WDCP: variants seen among roughly 807,000 people sequenced by gnomAD.
WDCP encodes the protein WD repeat and coiled-coil-containing protein.
WDCP carries 19 observed loss-of-function variants against 41.6 expected under a neutral mutation model. The observed-to-expected ratio is 0.46, with a 90% CI of 0.32 to 0.67. The LOEUF is 0.67. Among genes scored for constraint, WDCP ranks in the 30% least tolerant of loss-of-function variants. The pLI, the probability that WDCP is intolerant of heterozygous loss-of-function variation, is 0.04. For synonymous variants in WDCP, 302 were observed against 320.8 expected (o/e 0.94, Z 0.63); for missense variants, 802 against 850.7 (o/e 0.94, Z 0.71).
Position 24,038,913 on chromosome 2 carries a change from G to A in WDCP, c.582C>T (p.Cys194=), listed in dbSNP as rs766373388. 6.2e-7 allele frequency: 1 copy of A among 1,614,226 alleles called. No individual in the cohort carries two copies. Among genetic ancestry groups the A allele is most frequent in the South Asian group, 1.1e-5 (1 of 91,088 alleles). Residue 194 remains cysteine, a synonymous_variant, in exon 2 of 4, where the codon TGC becomes TGT. Transcript: ENST00000295148. ...CCACATCAAACACCAGGCAGGAGGAGCACCTGTGAAGAGTCTTCTGAGCGC... is the reference window on the plus strand; with the variant it reads ...CCACATCAAACACCAGGCAGGAGGAACACCTGTGAAGAGTCTTCTGAGCGC... ...WDSAQKTLHR[C]SSCLVFDVDS...
At chr2:24,032,779 G>T in intron 3 of WDCP, 50 bp downstream of exon 3, 1 of 1,009,516 alleles carries the variant, frequency 9.9e-7, no homozygotes, top group Non-Finnish European at 1.6e-6. Context: ...AAAACAGATG[G>T]TGGGGGAGGC....
At position 24,031,085 on chromosome 2, in the gene WDCP, T is replaced by G. The variant is rs1663084770; in HGVS notation, c.2014A>C (p.Ile672Leu). ...LTFTATQEII[I>L]RDGSLSRSDV... ...GACCTGGACAGGCTGCCATCTCTTA[T>G]GATTATTTCCTGTGTGGCTGTGAAG... The change falls in exon 4 of 4, where the codon ATA becomes CTA. Residue 672 changes from isoleucine (I) to leucine (L), a missense_variant. Physicochemically the swap from Ile to Leu is conservative, Grantham distance 5. Transcript: ENST00000295148. 1 of 1,614,238 alleles carries G rather than the reference T, an allele frequency of 6.2e-7. No homozygotes were observed. The highest frequency in any genetic ancestry group is 8.5e-7 in the Non-Finnish European group (1 of 1,180,028).
rs374783835 is a variant in WDCP, at chr2:24,032,680, CAATAAT to C, written c.1936+143_1936+148del. 4,569 of 618,182 alleles carry C rather than the reference CAATAAT, an allele frequency of 7.4e-3. 32 individuals carry two copies. The highest frequency in any genetic ancestry group is 9.4e-3 in the Non-Finnish European group (3,229 of 344,946). The allele number at this position is 618,182 out of a possible 1,614,324, so 38.3% of individuals were successfully genotyped here. A position where few individuals can be genotyped will look rare whatever the true frequency, so the allele number is the denominator to read the frequency against. ...TGGGCAACAGAGCAAGACCCTGTCT[CAATAAT>C]AATAATAATAATAGATTACTTGTTA... On this transcript the variant is annotated intron_variant, in intron 3 of 3. Transcript: ENST00000295148.
At chr2:24,036,899 T>C (rs183115552) in intron 2 of WDCP, among the ~76,000 whole-genome samples, 4 of 152,354 alleles carry the variant, frequency 2.6e-5, no homozygotes, top group East Asian at 1.9e-4. Flanking sequence ...AAGGGGAAGA[T>C]GGGGCAAGGC....
At chr2:24,035,075 T>G (rs1471414798) in intron 2 of WDCP, among the ~76,000 whole-genome samples, 1 of 151,746 alleles carries the variant, frequency 6.6e-6, no homozygotes, top group African/African-American at 2.4e-5. Flanking sequence ...ACATCTAACA[T>G]CTAATAAAAT....
In WDCP at chr2:24,032,483, G is replaced by A. The variant is rs186585093; in HGVS notation, c.1936+346C>T. Among the ~76,000 whole-genome samples the A allele has an allele frequency of 1.1e-4, 16 of 152,220 alleles. No homozygotes were observed. In the East Asian group the frequency reaches 3.1e-3, roughly 29 times the overall value. On this transcript the variant is annotated intron_variant, in intron 3 of 3. Coordinates refer to ENST00000295148, the MANE Select transcript of WDCP (RefSeq NM_025203.3). ...CGCCACTGTACTCCAGGACCGGGTG[G>A]CAGAGCAAGACTCCATCTCCAAAAA... is the stretch of plus-strand genomic sequence containing the variant.
At chr2:24,031,966 A>C (rs145532319) in intron 3 of WDCP, among the ~76,000 whole-genome samples, 1 of 152,288 alleles carries the variant, frequency 6.6e-6, no homozygotes, top group East Asian at 1.9e-4. Flanking sequence ...TTATTTTTTC[A>C]TATGTACATT....
chr2:24,038,523 A>G lies in WDCP; in HGVS notation c.972T>C (p.Phe324=), dbSNP rs140791647. 32 of 1,614,140 alleles carry G rather than the reference A, an allele frequency of 2.0e-5. No homozygotes were observed. Among genetic ancestry groups the G allele is most frequent in the Non-Finnish European group, 2.5e-5 (30 of 1,180,058 alleles). The change falls in exon 2 of 4, where the codon TTT becomes TTC. Residue 324 remains phenylalanine, a synonymous_variant. Transcript: ENST00000295148. ...TTCTCGTCATGGTAACTGCCTTCTT[A>G]AAGGTCACAAGGACCAAATGTGAAG... The part of the protein sequence containing the change: ...QDSSHLVLVT[F]KKAVTMTRKV...
Position 24,030,937 on chromosome 2 carries a change from G to C in WDCP, c.2162C>G (p.Ala721Gly). Residue 721 changes from alanine (A) to glycine (G), a missense_variant, in exon 4 of 4, where the codon GCT (alanine) becomes GGT (glycine). By Grantham distance (60) the Ala-to-Gly change is moderately conservative (BLOSUM62 0). This residue lies in a region of WDCP where 321 missense variants were observed against 305.1 expected (regional missense o/e 1.05). Transcript: ENST00000295148. ...TGCCNHVDGM[A>G] The stretch of plus-strand genomic sequence containing the variant: ...ACAGCAAGGACACTGCAGATATCAA[G>C]CCATGCCATCTACATGGTTACAACA... 1 of 1,612,166 alleles carries C rather than the reference G, an allele frequency of 6.2e-7. No individual in the cohort carries two copies. The highest frequency in any genetic ancestry group is 1.3e-5 in the African/African-American group (1 of 74,978).
In WDCP at chr2:24,032,822, G is replaced by A. The variant is rs773437697; in HGVS notation, c.1936+7C>T. The A allele has an allele frequency of 2.0e-5, 31 of 1,539,896 alleles. No individual in the cohort carries two copies. Among genetic ancestry groups the A allele is most frequent in the South Asian group, 4.5e-5 (4 of 89,228 alleles). On this transcript the variant is annotated splice_region_variant and intron_variant, in intron 3 of 3. Transcript: ENST00000295148. ...TTAGCTAGGGTCAATTTCTGAGCACGACCTACCATGTAGCATTTCAATGAG... is the reference window on the plus strand; with the variant it reads ...TTAGCTAGGGTCAATTTCTGAGCACAACCTACCATGTAGCATTTCAATGAG...
Position 24,038,427 on chromosome 2 carries a change from C to T in WDCP, c.1068G>A (p.Val356=). ...AFNLKAHVVA[V]ASNTCNIILI... is the part of the protein sequence containing the mutation. ...AAATTATATTACAAGTGTTGGAAGC[C>T]ACTGCCACTACGTGGGCTTTAAGAT... is the stretch of plus-strand genomic sequence containing the variant. The change falls in exon 2 of 4, where the codon GTG becomes GTA. Residue 356 remains valine, a synonymous_variant. Coordinates refer to ENST00000295148, the MANE Select transcript of WDCP (RefSeq NM_025203.3). The T allele has an allele frequency of 1.2e-6, 2 of 1,614,110 alleles. No homozygotes were observed. Among genetic ancestry groups the T allele is most frequent in the East Asian group, 2.2e-5 (1 of 44,882 alleles).
At chr2:24,031,866 C>T (rs891272723) in intron 3 of WDCP, among the ~76,000 whole-genome samples, 1 of 151,780 alleles carries the variant, frequency 6.6e-6, no homozygotes, top group Non-Finnish European at 1.5e-5. Flanking sequence ...TGCAATGCTG[C>T]TATGATCTTT....
chr2:24,044,817 TAA>T (rs747340836), intron 1 of WDCP, among the ~76,000 whole-genome samples: 266 of 103,904 alleles, frequency 2.6e-3, no homozygotes, highest in African/African-American at 8.5e-3. Flanking sequence ...GAATTATCTT[TAA>T]AAAAAAAAAA....
At chr2:24,041,850 C>A (rs79857379) in intron 1 of WDCP, among the ~76,000 whole-genome samples, 2 of 75,158 alleles carry the variant, frequency 2.7e-5, no homozygotes, top group East Asian at 4.3e-4. Flanking sequence ...AAAAGTGAAA[C>A]TCTGTCTCAA....
chr2:24,032,482 G>C (rs989605282), intron 3 of WDCP, among the ~76,000 whole-genome samples: 1 of 152,126 alleles, frequency 6.6e-6, no homozygotes, highest in African/African-American at 2.4e-5. Flanking sequence ...AGGACCGGGT[G>C]GCAGAGCAAG....
chr2:24,032,795 T>A (rs1316310582), intron 3 of WDCP, 34 bp downstream of exon 3: 6 of 1,222,536 alleles, frequency 4.9e-6, no homozygotes, highest in Non-Finnish European at 7.3e-6. Context: ...GAGGCAAGGA[T>A]GTTAGCTAGG....
chr2:24,037,666 G>A lies in WDCP; in HGVS notation c.1818+11C>T. ...TTATGTATAGTGGTAGTTCCTCAAA[G>A]GAGAATTTACCTGGTAAATGATGTG... On this transcript the variant is annotated intron_variant, in intron 2 of 3. Transcript: ENST00000295148. 1 of 1,597,474 alleles carries A rather than the reference G, an allele frequency of 6.3e-7. No homozygotes were observed. The highest frequency in any genetic ancestry group is 1.1e-5 in the South Asian group (1 of 89,364).
At position 24,038,768 on chromosome 2, in the gene WDCP, T is replaced by C; in HGVS notation, c.727A>G (p.Ser243Gly). ...AAAGCATACGGAGTCATGTCTTTAC[T>C]GTTAGGTGGGATATTAAAGGTTTCA... ...ASETFNIPPN[S>G]KDMTPYALPV... The change falls in exon 2 of 4, where the codon AGT (serine) becomes GGT (glycine). Residue 243 changes from serine to glycine, a missense_variant. Transcript: ENST00000295148. 6.2e-7 allele frequency: 1 copy of C among 1,614,222 alleles called. No individual in the cohort carries two copies. The highest frequency in any genetic ancestry group is 1.1e-5 in the South Asian group (1 of 91,084).
intron 1 of WDCP, among the ~76,000 whole-genome samples, chr2:24,042,254 T>C (rs1558336754): frequency 6.6e-6 from 1 of 150,508 alleles, no homozygotes; most frequent in Non-Finnish European, 1.5e-5. Flanking sequence ...ATACAAAAAA[T>C]TGGCCGGGCG....
Sources: allele counts gnomAD v4.1 joint callset (sites outside exome capture counted in the v4.1 genomes callset), GRCh38; gene constraint gnomAD v4.1.1; regional missense constraint gnomAD v4.1.1; transcripts MANE v1.5; gene names NCBI Gene and HGNC (gene_info 2026-07-23, HGNC 2026-07-21).